Variants in EXO1 observed in about 807,000 individuals in gnomAD.
The protein encoded by EXO1 is exonuclease 1.
In EXO1, 69 loss-of-function variants were observed where a neutral mutation model predicts 84.5. The observed-to-expected ratio is 0.82, with a 90% CI of 0.67 to 1.00. The LOEUF is 1.00. Ranked by LOEUF, EXO1 falls within the 50% of genes least tolerant of loss-of-function variation. The probability of loss-of-function intolerance (pLI) is 0.00; values close to 1 mark genes in which losing one functional copy is unlikely to be tolerated. For synonymous variants in EXO1, 373 were observed against 366.1 expected (o/e 1.02, Z -0.21); for missense variants, 1,045 against 1,000.7 (o/e 1.04, Z -0.60).
intron 15 of EXO1, among the ~76,000 whole-genome samples, chr1:241,887,614 T>C (rs1663137916): frequency 6.6e-6 from 1 of 152,144 alleles, no homozygotes; most frequent in South Asian, 2.1e-4. Context: ...TAACAGGCTC[T>C]CTTTGCTCAT....
At chr1:241,865,056 G>T (rs1635507) in intron 10 of EXO1, among the ~76,000 whole-genome samples, 89,821 of 150,280 alleles carry the variant, frequency 0.6, 27,107 homozygotes, top group East Asian at 0.79. Flanking sequence ...TGTGTGTGGG[G>T]GGGGGGTCTC....
intron 11 of EXO1, 130 bp from the exon 12 acceptor site, chr1:241,871,902 T>G (rs1662112939): frequency 4.5e-6 from 3 of 663,538 alleles, no homozygotes; most frequent in Non-Finnish European, 7.6e-6. Flanking sequence ...TTTTCTTTTC[T>G]GAGGCATAGT....
At chr1:241,872,685 C>T (rs772223184) in intron 12 of EXO1, among the ~76,000 whole-genome samples, 5 of 152,262 alleles carry the variant, frequency 3.3e-5, no homozygotes, top group Non-Finnish European at 7.4e-5. Flanking sequence ...GACATGAACT[C>T]ATCGTTTTTT....
intron 6 of EXO1, among the ~76,000 whole-genome samples, chr1:241,855,813 G>C (rs1022596536): frequency 6.6e-6 from 1 of 152,234 alleles, no homozygotes. Context: ...CTCCGCAGCC[G>C]CTGGCCCGGG....
chr1:241,864,725 C>T (rs1635509), intron 10 of EXO1, among the ~76,000 whole-genome samples: 90,232 of 151,998 alleles, frequency 0.59, 27,084 homozygotes, highest in East Asian at 0.8. Context: ...CTATCTTCAC[C>T]GTGGTTTAGA....
Position 241,879,283 on chromosome 1 carries a change from A to G in EXO1, c.2049A>G (p.Ser683=). 2.5e-6 allele frequency: 4 copies of G among 1,603,478 alleles called. No individual in the cohort carries two copies. The highest frequency in any genetic ancestry group is 3.4e-6 in the Non-Finnish European group (4 of 1,176,852). ...AGTCCCAGGAAAGTGGAGAATTCTC[A>G]CTGCAGAGTTCAAATGCATCAAAGC... The part of the protein sequence containing the change: ...SSQSQESGEF[S]LQSSNASKLS... The change falls in exon 13 of 16, where the codon TCA becomes TCG. Residue 683 remains serine (S), a synonymous_variant. Coordinates refer to ENST00000366548, the MANE Select transcript of EXO1 (RefSeq NM_130398.4).
At chr1:241,873,810 G>C (rs938203963) in intron 12 of EXO1, among the ~76,000 whole-genome samples, 2 of 152,178 alleles carry the variant, frequency 1.3e-5, no homozygotes, top group African/African-American at 4.8e-5. Context: ...GGGTAAGAAG[G>C]AAGGGATGAG....
rs4149930 is a variant in EXO1 at position 241,862,426 on chromosome 1, C to T, written c.1041+924C>T. ...AAGAACTCACATCTCCATCTTTACT[C>T]CAGTCTCTCGCCTGTGCACCAACCA... On this transcript the variant is annotated intron_variant, in intron 10 of 15. Coordinates refer to ENST00000366548, the MANE Select transcript of EXO1 (RefSeq NM_130398.4). Among the ~76,000 whole-genome samples the T allele has an allele frequency of 7.9e-3, 1,208 of 152,298 alleles. 11 individuals carry two copies. Among genetic ancestry groups the T allele is most frequent in the South Asian group, 0.075 (364 of 4,822 alleles).
chr1:241,869,722 TCTTC>T (rs912138909), intron 11 of EXO1, among the ~76,000 whole-genome samples: 11 of 149,694 alleles, frequency 7.3e-5, no homozygotes, highest in Admixed American at 2.7e-4. Context: ...TGTACATTCA[TCTTC>T]CTTCCTTCCT....
At chr1:241,874,128 G>A (rs894798384) in intron 12 of EXO1, among the ~76,000 whole-genome samples, 4 of 152,182 alleles carry the variant, frequency 2.6e-5, no homozygotes, top group Admixed American at 6.5e-5. Flanking sequence ...CGCCGGGCAC[G>A]ATGGCTCATG....
rs1312078164 is a variant in EXO1 at position 241,872,125 on chromosome 1, G to A, written c.1361G>A (p.Ser454Asn). 2.5e-6 allele frequency: 4 copies of A among 1,613,944 alleles called. No individual in the cohort carries two copies. The highest frequency in any genetic ancestry group is 1.7e-5 in the Admixed American group (1 of 60,000). The change falls in exon 12 of 16, where the codon AGC becomes AAC. Residue 454 changes from serine to asparagine, a missense_variant. Physicochemically the swap from Ser to Asn is conservative, Grantham distance 46. Transcript: ENST00000366548. ...KNSSEGNKSL[S>N]FSEVFVPDLV... ...AGCTCTGAAGGCAATAAATCATTGA[G>A]CTTTTCTGAAGTGTTTGTGCCTGAC...
chr1:241,877,835 T>C (rs1236756790), intron 12 of EXO1, among the ~76,000 whole-genome samples: 2 of 152,154 alleles, frequency 1.3e-5, no homozygotes, highest in East Asian at 1.9e-4. Flanking sequence ...TAGAAGTTTA[T>C]AGGGTATATA....
At chr1:241,878,504 A>G (rs1662534694) in intron 12 of EXO1, among the ~76,000 whole-genome samples, 1 of 151,908 alleles carries the variant, frequency 6.6e-6, no homozygotes, top group African/African-American at 2.4e-5. Flanking sequence ...TCAAAAAAAA[A>G]AAAAAGAAGG....
chr1:241,875,428 C>G (rs865859554), intron 12 of EXO1, among the ~76,000 whole-genome samples: 1 of 152,220 alleles, frequency 6.6e-6, no homozygotes, highest in Non-Finnish European at 1.5e-5. Context: ...GTTTCAAACC[C>G]TTCTCCCATG....
chr1:241,871,910 A>G (rs1558136988), intron 11 of EXO1, 122 bp from the exon 12 acceptor site: 1 of 562,368 alleles, frequency 1.8e-6, no homozygotes, highest in African/African-American at 2.3e-5. Flanking sequence ...TCTGAGGCAT[A>G]GTTTTTTTTT....
intron 13 of EXO1, among the ~76,000 whole-genome samples, 163 bp from the exon 14 acceptor site, chr1:241,881,753 A>G (rs1015645161): frequency 6.6e-6 from 1 of 152,192 alleles, no homozygotes; most frequent in African/African-American, 2.4e-5. Flanking sequence ...AGCTTCTTCA[A>G]TGAAATTGGC....
chr1:241,866,901 G>A lies in EXO1; in HGVS notation c.1113G>A (p.Trp371Ter), dbSNP rs781529397. 2 of 1,613,940 alleles carry A rather than the reference G, an allele frequency of 1.2e-6. No individual in the cohort carries two copies. Among genetic ancestry groups the A allele is most frequent in the East Asian group, 4.5e-5 (2 of 44,886 alleles). ...CQKSANVSSI[W>*]HRNYSPRPES... Reference sequence around the variant, plus strand: ...AGTCAGCTAATGTTAGCAGCATTTGGCATAGGAATTACTCTCCCAGACCAG... The same window carrying A: ...AGTCAGCTAATGTTAGCAGCATTTGACATAGGAATTACTCTCCCAGACCAG... The change falls in exon 11 of 16, where the codon TGG (tryptophan) becomes TGA (stop). Residue 371 changes from tryptophan (W) to a stop codon, truncating the protein, a stop_gained. Coordinates refer to ENST00000366548, the MANE Select transcript of EXO1 (RefSeq NM_130398.4). LOFTEE classifies it high-confidence loss of function.
chr1:241,878,632 T>G, intron 12 of EXO1, 117 bp from the exon 13 acceptor site: 2 of 669,106 alleles, frequency 3.0e-6, no homozygotes. Context: ...TGAAATTATA[T>G]ATTTATGAGA....
intron 5 of EXO1, among the ~76,000 whole-genome samples, 169 bp from the exon 6 acceptor site, chr1:241,853,189 A>G (rs937551444): frequency 6.6e-6 from 1 of 152,130 alleles, no homozygotes; most frequent in Non-Finnish European, 1.5e-5. Context: ...TTTTTGCCTT[A>G]GAAGCCTAAA....
Sources: allele counts gnomAD v4.1 joint callset (sites outside exome capture counted in the v4.1 genomes callset), GRCh38; gene constraint gnomAD v4.1.1; transcripts MANE v1.5; gene names NCBI Gene and HGNC (gene_info 2026-07-23, HGNC 2026-07-21).